The following STXBP6 variants were observed in gnomAD, a reference collection of about 807,000 sequenced individuals.
STXBP6 encodes syntaxin binding protein 6.
A neutral mutation model predicts 26.9 loss-of-function variants in STXBP6; 21 were observed. The observed-to-expected ratio is 0.78, with a 90% CI of 0.55 to 1.12. STXBP6 has a LOEUF of 1.12. Among genes scored for constraint, STXBP6 ranks in the 50% most tolerant of loss-of-function variants. The pLI is 0.00. For synonymous variants in STXBP6, 97 were observed against 92.6 expected, an observed-to-expected ratio of 1.05 and a Z score of -0.27; for missense variants, 232 against 257.9, an observed-to-expected ratio of 0.90 and a Z score of 0.69.
intron 4 of STXBP6, chr14:24,819,592 A>C (rs764941653): frequency 5.5e-5 from 23 of 416,108 alleles, no homozygotes; most frequent in Non-Finnish European, 8.5e-5. Context: ...TCTGGATCTT[A>C]TGTTATTTCC....
At chr14:24,984,532 T>C (rs868212712) in intron 1 of STXBP6, among the ~76,000 whole-genome samples, 12 of 152,260 alleles carry the variant, frequency 7.9e-5, no homozygotes, top group African/African-American at 2.7e-4. Flanking sequence ...GTGAGGTTTA[T>C]GAACACTTCT....
Position 25,049,992 on chromosome 14 carries a change from G to T in STXBP6, c.-147C>A. The stretch of plus-strand genomic sequence containing the variant: ...GGCTCCGGGCTCCGGACAAGGCTTA[G>T]CCGGCCCGGGTGCTGGCTCGCCGCC... On this transcript the variant is annotated 5_prime_UTR_variant, in exon 1 of 6. Transcript: ENST00000323944. The surrounding 1 kb of genome is among the most constrained non-coding windows in gnomAD (Gnocchi z 5.6). 1.9e-6 allele frequency: 1 copy of T among 515,568 alleles called. No homozygotes were observed. The highest frequency in any genetic ancestry group is 2.5e-6 in the Non-Finnish European group (1 of 402,494). The allele number at this position is 515,568 out of a possible 1,614,324, so 31.9% of individuals were successfully genotyped here. A position where few individuals can be genotyped will look rare whatever the true frequency, so the allele number is the denominator to read the frequency against.
At chr14:24,922,788 T>C (rs575051582) in intron 2 of STXBP6, among the ~76,000 whole-genome samples, 3 of 152,254 alleles carry the variant, frequency 2.0e-5, no homozygotes, top group African/African-American at 7.2e-5. Flanking sequence ...ATATGTACTT[T>C]AGATATTATA....
intron 4 of STXBP6, among the ~76,000 whole-genome samples, chr14:24,834,648 T>C (rs2068556993): frequency 6.6e-6 from 1 of 152,138 alleles, no homozygotes; most frequent in Non-Finnish European, 1.5e-5. Context: ...GGGGTGGGAA[T>C]AATGAGAGGA....
chr14:24,824,911 T>C (rs1458115842), intron 4 of STXBP6, among the ~76,000 whole-genome samples: 1 of 152,240 alleles, frequency 6.6e-6, no homozygotes, highest in Admixed American at 6.5e-5. Context: ...TGAAGTAGCT[T>C]ACGCAGGATT....
chr14:24,849,415 T>A (rs1177715162), intron 4 of STXBP6, among the ~76,000 whole-genome samples: 1 of 152,122 alleles, frequency 6.6e-6, no homozygotes, highest in Non-Finnish European at 1.5e-5. Flanking sequence ...TCATCCCCCC[T>A]TTTGCTTAGC....
intron 1 of STXBP6, among the ~76,000 whole-genome samples, chr14:25,021,137 G>C (rs555388105): frequency 1.3e-5 from 2 of 152,084 alleles, no homozygotes; most frequent in Non-Finnish European, 1.5e-5. Context: ...TCAGGTGGAG[G>C]CCATCTCATC....
Position 24,857,678 on chromosome 14 carries a change from C to G in STXBP6, c.155-521G>C, listed in dbSNP as rs548234229. ...GAGTAATCCCTAACTCAAAAAATCC[C>G]CAAACTATTTGGCTCTCTAATATTG... is the stretch of plus-strand genomic sequence containing the variant. On this transcript the variant is annotated intron_variant, in intron 2 of 5. Transcript: ENST00000323944. Among the ~76,000 whole-genome samples the G allele has an allele frequency of 2.0e-5, 3 of 151,572 alleles. No individual in the cohort carries two copies. The South Asian group carries it at 6.3e-4, about 32-fold the overall frequency.
intron 1 of STXBP6, among the ~76,000 whole-genome samples, chr14:25,046,987 A>T (rs1216053485): frequency 6.6e-6 from 1 of 152,200 alleles, no homozygotes; most frequent in Admixed American, 6.5e-5. Context: ...CCACCATGGG[A>T]CATTTGTCGT....
At position 24,886,004 on chromosome 14, in the gene STXBP6, G is replaced by A. The variant is rs575268952; in HGVS notation, c.155-28847C>T. Among the ~76,000 whole-genome samples the A allele has an allele frequency of 1.1e-4, 17 of 152,246 alleles. No homozygotes were observed. In the South Asian group the frequency reaches 1.5e-3, roughly 13 times the overall value. ...ATTTGCACTTATCCAGGGTAAACAT[G>A]CCTAGCTTCTTTCTCTATGTTAACA... On this transcript the variant is annotated intron_variant, in intron 2 of 5. Transcript: ENST00000323944.
At chr14:24,900,045 C>A (rs1431118799) in intron 2 of STXBP6, among the ~76,000 whole-genome samples, 1 of 152,126 alleles carries the variant, frequency 6.6e-6, no homozygotes, top group African/African-American at 2.4e-5. Context: ...AAGCGATATG[C>A]CTTAACAGGT....
chr14:24,869,542 C>G (rs552099268), intron 2 of STXBP6, among the ~76,000 whole-genome samples: 1 of 152,140 alleles, frequency 6.6e-6, no homozygotes, highest in Non-Finnish European at 1.5e-5. Context: ...ATACAACACC[C>G]GACTCTCTGG....
chr14:24,825,979 T>G (rs1178101946), intron 4 of STXBP6, among the ~76,000 whole-genome samples: 2 of 152,122 alleles, frequency 1.3e-5, no homozygotes, highest in Non-Finnish European at 2.9e-5. Flanking sequence ...GGAACACTTG[T>G]TTTGAGGTTA....
chr14:24,887,988 A>G (rs1360537245), intron 2 of STXBP6, among the ~76,000 whole-genome samples: 4 of 152,254 alleles, frequency 2.6e-5, no homozygotes, highest in Admixed American at 1.3e-4. Flanking sequence ...TAAGTTTAAT[A>G]CACAGTTTAA....
intron 2 of STXBP6, among the ~76,000 whole-genome samples, chr14:24,939,204 T>G (rs2072711826): frequency 6.6e-6 from 1 of 152,166 alleles, no homozygotes; most frequent in Non-Finnish European, 1.5e-5. Flanking sequence ...AGTGCTCCGG[T>G]GACTGTGGCC....
At chr14:25,024,721 C>T (rs2140439170) in intron 1 of STXBP6, among the ~76,000 whole-genome samples, 1 of 152,212 alleles carries the variant, frequency 6.6e-6, no homozygotes, top group East Asian at 1.9e-4. Context: ...CAACAGATGC[C>T]AGGTGTGTTA....
intron 2 of STXBP6, among the ~76,000 whole-genome samples, chr14:24,898,544 G>A (rs2071085543): frequency 6.6e-5 from 10 of 152,148 alleles, no homozygotes; most frequent in Admixed American, 5.9e-4. Context: ...GGGCGTGGTG[G>A]CATGCGCCTA....
chr14:24,890,755 A>G (rs934581054), intron 2 of STXBP6, among the ~76,000 whole-genome samples: 26 of 152,238 alleles, frequency 1.7e-4, no homozygotes, highest in African/African-American at 5.8e-4. Context: ...AAATAAATTG[A>G]AACAGTATTA....
chr14:24,919,450 A>AC (rs397938340), intron 2 of STXBP6, among the ~76,000 whole-genome samples: 2 of 151,866 alleles, frequency 1.3e-5, no homozygotes, highest in African/African-American at 4.8e-5. Context: ...TAAAAAAAAA[A>AC]CAAATTTTAA....
Sources: gnomAD v4.1 joint callset for allele counts (sites outside exome capture counted in the v4.1 genomes callset) on GRCh38, gnomAD v4.1.1 for gene constraint, Gnocchi (gnomAD v3.1) non-coding constraint, MANE v1.5 for transcripts, NCBI Gene and HGNC (gene_info 2026-07-23, HGNC 2026-07-21) for gene names.